Variants in WDR17 observed in about 807,000 individuals in gnomAD.
WDR17 encodes the protein WD repeat-containing protein 17.
Under a neutral mutation model 161.7 loss-of-function variants are expected in WDR17, and 143 were observed. The observed-to-expected ratio is 0.88, with a 90% CI of 0.77 to 1.02. The LOEUF is 1.02. Ranked by LOEUF, WDR17 falls within the 50% of genes least tolerant of loss-of-function variation. WDR17 has a pLI of 0.00. For missense variants in WDR17, 1,469 were observed against 1,520.9 expected (o/e 0.97, Z 0.57); for synonymous variants, 517 against 515.6 (o/e 1.00, Z -0.04).
chr4:176,150,630 A>G (rs1412412943), intron 16 of WDR17, 37 bp downstream of exon 16: 2 of 1,541,620 alleles, frequency 1.3e-6, no homozygotes, highest in Non-Finnish European at 1.7e-6. Flanking sequence ...ACTCAAGCAA[A>G]TTTTTTGCCT....
intron 1 of WDR17, among the ~76,000 whole-genome samples, chr4:176,084,170 C>T (rs1283562004): frequency 6.6e-6 from 1 of 151,888 alleles, no homozygotes; most frequent in Non-Finnish European, 1.5e-5. Flanking sequence ...AAAGGCATGC[C>T]CAAGGCTAAG....
chr4:176,114,448 T>G (rs1194912491), intron 2 of WDR17, among the ~76,000 whole-genome samples: 1 of 152,104 alleles, frequency 6.6e-6, no homozygotes, highest in Non-Finnish European at 1.5e-5. Context: ...TTACATACAA[T>G]GTTCACTGCA....
intron 12 of WDR17, among the ~76,000 whole-genome samples, chr4:176,146,620 T>C (rs1034765992): frequency 2.0e-5 from 3 of 152,054 alleles, no homozygotes; most frequent in Non-Finnish European, 4.4e-5. Flanking sequence ...CCAAAAAACA[T>C]GCATTGGGAC....
chr4:176,074,810 C>CTTTTTTTTTTTTTTTT (rs386357678), intron 1 of WDR17, among the ~76,000 whole-genome samples: 5 of 79,180 alleles, frequency 6.3e-5, no homozygotes, highest in Non-Finnish European at 1.1e-4. Flanking sequence ...TTTTTTAATG[C>CTTTTTTTTTTTTTTTT]TTTTTTTTTT....
In WDR17 at chr4:176,177,572, T is replaced by C; in HGVS notation, c.3650T>C (p.Ile1217Thr). The change falls in exon 28 of 29, where the codon ATT (isoleucine) becomes ACT (threonine). Residue 1217 changes from isoleucine (I) to threonine (T), a missense_variant. Ile to Thr is a moderately conservative substitution (Grantham distance 89, BLOSUM62 -1). Coordinates refer to ENST00000508596, the MANE Select transcript of WDR17 (RefSeq NM_181265.4). The stretch of plus-strand genomic sequence containing the variant: ...AAAGAAGAGTCACTGAAAGGAATTA[T>C]TGGACCAGATTATGTGACTGGATCA... ...RLKEESLKGI[I>T]GPDYVTGSNL... The C allele has an allele frequency of 1.9e-6, 3 of 1,597,024 alleles. No homozygotes were observed. Among genetic ancestry groups the C allele is most frequent in the Non-Finnish European group, 2.6e-6 (3 of 1,176,016 alleles).
chr4:176,137,587 CA>C lies in WDR17; in HGVS notation c.1339del (p.Ile447LeufsTer26). 6.3e-7 allele frequency: 1 copy of C among 1,594,208 alleles called. No homozygotes were observed. Among genetic ancestry groups the C allele is most frequent in the East Asian group, 2.3e-5 (1 of 44,122 alleles). On this transcript the variant is annotated frameshift_variant, in exon 9 of 29. Transcript: ENST00000508596. LOFTEE classifies it high-confidence loss of function. ...CTTTTATTTGGAATGTTCAAAAGGG[CA>C]AAATTATACAACGATTTAATGAGGT... ...GAFIWNVQKG[K>X]IIQRFNEHGT...
chr4:176,177,890 T>C (rs531298203), intron 28 of WDR17, among the ~76,000 whole-genome samples: 16 of 148,130 alleles, frequency 1.1e-4, no homozygotes, highest in African/African-American at 4.0e-4. Context: ...TCATGTAATA[T>C]GTATACCTGC....
In WDR17 at chr4:176,125,090, C is replaced by G; in HGVS notation, c.539-14C>G. On this transcript the variant is annotated splice_polypyrimidine_tract_variant and intron_variant, in intron 4 of 28. Transcript: ENST00000508596. The stretch of plus-strand genomic sequence containing the variant: ...GCAAGTTTTTTGGAAATAATTATCT[C>G]TGTATTTTAACAGGTAATAAAAATC... The G allele has an allele frequency of 6.2e-7, 1 of 1,611,380 alleles. No individual in the cohort carries two copies. The highest frequency in any genetic ancestry group is 1.1e-5 in the South Asian group (1 of 90,548).
At chr4:176,119,231 A>G (rs899622212) in intron 3 of WDR17, among the ~76,000 whole-genome samples, 1 of 152,060 alleles carries the variant, frequency 6.6e-6, no homozygotes. Flanking sequence ...AAATGATTTT[A>G]TTTCCTTGAC....
chr4:176,109,546 G>C (rs372284882), intron 1 of WDR17, among the ~76,000 whole-genome samples: 8 of 152,124 alleles, frequency 5.3e-5, no homozygotes, highest in East Asian at 3.9e-4. Flanking sequence ...TTAATGAGAT[G>C]AAGACAGAAA....
chr4:176,113,667 A>G (rs549502411), intron 2 of WDR17, among the ~76,000 whole-genome samples: 49 of 152,164 alleles, frequency 3.2e-4, no homozygotes, highest in African/African-American at 1.1e-3. Flanking sequence ...TTTGAAAATT[A>G]TGCTACATAA....
intron 28 of WDR17, among the ~76,000 whole-genome samples, chr4:176,178,947 TAAGC>T (rs1751848738): frequency 6.6e-6 from 1 of 152,158 alleles, no homozygotes; most frequent in Admixed American, 6.5e-5. Flanking sequence ...AAATTATAAA[TAAGC>T]AAGAAAATCA....
chr4:176,153,002 T>C (rs1226187044), intron 17 of WDR17, among the ~76,000 whole-genome samples: 4 of 151,972 alleles, frequency 2.6e-5, no homozygotes, highest in African/African-American at 9.7e-5. Context: ...ATATTAAGTG[T>C]AGATGTTAGG....
intron 1 of WDR17, among the ~76,000 whole-genome samples, chr4:176,100,386 A>T (rs1737628831): frequency 6.6e-6 from 1 of 152,174 alleles, no homozygotes; most frequent in Non-Finnish European, 1.5e-5. Context: ...TCTTCTTTAG[A>T]AAAATGTCTA....
chr4:176,140,143 TAATA>T (rs1193752521), intron 10 of WDR17, among the ~76,000 whole-genome samples, 169 bp downstream of exon 10: 1 of 152,088 alleles, frequency 6.6e-6, no homozygotes, highest in Non-Finnish European at 1.5e-5. Context: ...GATGTATCAT[TAATA>T]AATAACAATG....
intron 1 of WDR17, among the ~76,000 whole-genome samples, chr4:176,093,840 G>A (rs1213636786): frequency 2.0e-5 from 3 of 152,048 alleles, no homozygotes; most frequent in Non-Finnish European, 4.4e-5. Flanking sequence ...AATACCTGGA[G>A]TACAACAACA....
chr4:176,156,181 A>G, intron 18 of WDR17, 38 bp downstream of exon 18: 2 of 1,589,344 alleles, frequency 1.3e-6, no homozygotes, highest in Non-Finnish European at 1.7e-6. Flanking sequence ...CAGATGTTTT[A>G]AAATCATGTT....
chr4:176,103,182 C>G (rs1163882939), intron 1 of WDR17, among the ~76,000 whole-genome samples: 1 of 152,052 alleles, frequency 6.6e-6, no homozygotes, highest in East Asian at 1.9e-4. Flanking sequence ...ACTGCCTATA[C>G]AAAGAAAATT....
intron 1 of WDR17, among the ~76,000 whole-genome samples, chr4:176,089,255 C>G (rs988878681): frequency 2.0e-5 from 3 of 152,118 alleles, no homozygotes; most frequent in Non-Finnish European, 2.9e-5. Context: ...GTTACAGTTT[C>G]TGTTCCCCCT....
Sources: allele counts gnomAD v4.1 joint callset (sites outside exome capture counted in the v4.1 genomes callset), GRCh38; gene constraint gnomAD v4.1.1; transcripts MANE v1.5; gene names NCBI Gene and HGNC (gene_info 2026-07-23, HGNC 2026-07-21).